The following AGBL4 variants were observed in gnomAD, a reference collection of about 807,000 sequenced individuals.
AGBL4 encodes cytosolic carboxypeptidase 6.
AGBL4 carries 58 observed loss-of-function variants against 66.4 expected under a neutral mutation model. The observed-to-expected ratio is 0.87, with a 90% CI of 0.71 to 1.09. The LOEUF (loss-of-function observed/expected upper bound fraction) is 1.09. Ranked by LOEUF, AGBL4 falls within the 50% of genes least tolerant of loss-of-function variation. The pLI is 0.00. For missense variants in AGBL4, 579 were observed against 631.0 expected, an observed-to-expected ratio of 0.92 and a Z score of 0.88; for synonymous variants, 234 against 222.9, an observed-to-expected ratio of 1.05 and a Z score of -0.44.
intron 4 of AGBL4, among the ~76,000 whole-genome samples, chr1:49,108,309 G>A (rs1039691345): frequency 2.4e-4 from 36 of 152,116 alleles, no homozygotes; most frequent in Non-Finnish European, 4.3e-4. Flanking sequence ...ATACACCAGC[G>A]AATAAAACAG....
intron 3 of AGBL4, among the ~76,000 whole-genome samples, chr1:49,637,623 T>G (rs960418880): frequency 6.6e-6 from 1 of 152,114 alleles, no homozygotes; most frequent in Non-Finnish European, 1.5e-5. Context: ...TTCTGAAATA[T>G]TCCCTTTTTT....
intron 4 of AGBL4, among the ~76,000 whole-genome samples, chr1:49,083,146 C>G (rs1446384448): frequency 6.6e-6 from 1 of 152,146 alleles, no homozygotes; most frequent in African/African-American, 2.4e-5. Context: ...TGAGTGTCTA[C>G]AGCTTTTCCA....
At chr1:49,396,146 A>G (rs541495538) in intron 3 of AGBL4, among the ~76,000 whole-genome samples, 1 of 151,906 alleles carries the variant, frequency 6.6e-6, no homozygotes, top group African/African-American at 2.4e-5. Flanking sequence ...TCTTGCAGAG[A>G]CTTAACTCCC....
chr1:49,635,009 C>T (rs944195997), intron 3 of AGBL4, among the ~76,000 whole-genome samples: 1 of 152,094 alleles, frequency 6.6e-6, no homozygotes, highest in African/African-American at 2.4e-5. Context: ...TTTTTTCTTC[C>T]TTTGAGGGTA....
At chr1:48,658,270 T>C (rs1646051311) in intron 7 of AGBL4, among the ~76,000 whole-genome samples, 1 of 152,258 alleles carries the variant, frequency 6.6e-6, no homozygotes, top group Non-Finnish European at 1.5e-5. Flanking sequence ...ATTTGTGGAA[T>C]AATTTGCATA....
intron 6 of AGBL4, among the ~76,000 whole-genome samples, chr1:48,717,141 G>A (rs546817622): frequency 2.1e-4 from 32 of 152,292 alleles, no homozygotes; most frequent in Non-Finnish European, 2.6e-4. Flanking sequence ...GAATAAATCA[G>A]AACCTTTTTG....
At chr1:49,207,197 G>GGACCATTCTACCTGGACTCAGTCACGGT (rs1192235324) in intron 4 of AGBL4, among the ~76,000 whole-genome samples, 4 of 152,060 alleles carry the variant, frequency 2.6e-5, no homozygotes, top group African/African-American at 9.7e-5. Flanking sequence ...TCCTGTCATT[G>GGACCATTCTACCTGGACTCAGTCACGGT]GAAGTCTATC....
At chr1:49,668,483 A>G (rs1646411435) in intron 3 of AGBL4, among the ~76,000 whole-genome samples, 1 of 152,202 alleles carries the variant, frequency 6.6e-6, no homozygotes, top group Non-Finnish European at 1.5e-5. Context: ...GATTTTTGAC[A>G]TGTAATTCTG....
chr1:48,685,745 C>G (rs1475998394), intron 6 of AGBL4, among the ~76,000 whole-genome samples: 2 of 152,126 alleles, frequency 1.3e-5, no homozygotes, highest in Admixed American at 1.3e-4. Context: ...CTTTCTTCAC[C>G]TAGGAAGTAG....
At chr1:48,769,526 AACACAC>A (rs558937968) in intron 6 of AGBL4, among the ~76,000 whole-genome samples, 1,767 of 130,304 alleles carry the variant, frequency 0.014, 35 homozygotes, top group African/African-American at 0.045. Flanking sequence ...GAGGATTTAA[AACACAC>A]ACACACACAC....
intron 3 of AGBL4, among the ~76,000 whole-genome samples, chr1:49,297,756 G>C (rs1644669466): frequency 6.6e-6 from 1 of 152,074 alleles, no homozygotes; most frequent in African/African-American, 2.4e-5. Flanking sequence ...TCCTAATCTG[G>C]CATCCAATTA....
chr1:49,555,165 A>G (rs1653322348), intron 3 of AGBL4, among the ~76,000 whole-genome samples: 1 of 152,070 alleles, frequency 6.6e-6, no homozygotes, highest in African/African-American at 2.4e-5. Context: ...CCATTTTACA[A>G]AGAACTGATT....
At chr1:49,812,067 T>A (rs1489881086) in intron 2 of AGBL4, among the ~76,000 whole-genome samples, 1 of 152,154 alleles carries the variant, frequency 6.6e-6, no homozygotes, top group Non-Finnish European at 1.5e-5. Flanking sequence ...ACATAAGCAA[T>A]CATTGCACAT....
At chr1:48,971,480 A>T (rs1359970779) in intron 5 of AGBL4, among the ~76,000 whole-genome samples, 1 of 152,146 alleles carries the variant, frequency 6.6e-6, no homozygotes, top group Admixed American at 6.6e-5. Context: ...ATTGAGGGGA[A>T]AAAAAACAGA....
chr1:49,035,992 T>G (rs1001787895), intron 5 of AGBL4, among the ~76,000 whole-genome samples: 1 of 151,830 alleles, frequency 6.6e-6, no homozygotes, highest in African/African-American at 2.4e-5. Context: ...GGGCAAGGTT[T>G]GAAAAACTAA....
rs1890726 is a variant in AGBL4, at chr1:48,823,730, T to G, written c.634+43461A>C. 2.6e-4 allele frequency among the ~76,000 whole-genome samples: 39 copies of G among 152,296 alleles called. 1 individual carries two copies. Among genetic ancestry groups the G allele is most frequent in the African/African-American group, 8.9e-4 (37 of 41,556 alleles). Reference sequence around the variant, plus strand: ...TCTAGGTCAGGAATAAATCTGATTCTCCTGTTTCCCAGTGGCCAACACAAA... The same window carrying G: ...TCTAGGTCAGGAATAAATCTGATTCGCCTGTTTCCCAGTGGCCAACACAAA... On this transcript the variant is annotated intron_variant, in intron 6 of 13. Coordinates refer to ENST00000371839, the MANE Select transcript of AGBL4 (RefSeq NM_032785.4).
At chr1:48,561,381 A>G (rs1247643005) in intron 11 of AGBL4, among the ~76,000 whole-genome samples, 1 of 152,106 alleles carries the variant, frequency 6.6e-6, no homozygotes, top group Non-Finnish European at 1.5e-5. Flanking sequence ...TCAATGATGT[A>G]GTAATTATGT....
intron 4 of AGBL4, among the ~76,000 whole-genome samples, chr1:49,077,066 T>A (rs1644724648): frequency 6.6e-6 from 1 of 151,118 alleles, no homozygotes; most frequent in Non-Finnish European, 1.5e-5. Context: ...TATCATAACA[T>A]CCATATCGCT....
intron 6 of AGBL4, among the ~76,000 whole-genome samples, chr1:48,786,054 C>T (rs1645400636): frequency 6.6e-6 from 1 of 151,778 alleles, no homozygotes; most frequent in Admixed American, 6.6e-5. Context: ...CATTCTGAGT[C>T]AAAGGCATAA....
Sources: gnomAD v4.1 joint callset for allele counts (sites outside exome capture counted in the v4.1 genomes callset) on GRCh38, gnomAD v4.1.1 for gene constraint, MANE v1.5 for transcripts, NCBI Gene and HGNC (gene_info 2026-07-23, HGNC 2026-07-21) for gene names.